Variants in SKAP1 observed in about 807,000 individuals in gnomAD.
SKAP1 encodes src kinase-associated phosphoprotein 1.
SKAP1 carries 44 observed loss-of-function variants against 58.5 expected under a neutral mutation model. The observed-to-expected ratio is 0.75, with a 90% CI of 0.59 to 0.97. SKAP1 has a LOEUF of 0.97. SKAP1 is among the 50% of genes least tolerant of loss of function. The probability of loss-of-function intolerance (pLI) is 0.00; values close to 1 mark genes in which losing one functional copy is unlikely to be tolerated. For synonymous variants in SKAP1, 127 were observed against 149.7 expected, an observed-to-expected ratio of 0.85 and a Z score of 1.11; for missense variants, 390 against 435.2, an observed-to-expected ratio of 0.90 and a Z score of 0.92.
intron 4 of SKAP1, among the ~76,000 whole-genome samples, chr17:48,285,596 C>A (rs1239074975): frequency 1.4e-5 from 2 of 141,522 alleles, no homozygotes; most frequent in East Asian, 2.1e-4. Flanking sequence ...GCTTGGGTGA[C>A]AGAGCAAGAC....
rs71366874 is a variant in SKAP1 at position 48,407,854 on chromosome 17, CA to C, written c.47-11070del. On this transcript the variant is annotated intron_variant, in intron 1 of 12. Transcript: ENST00000336915. Reference sequence around the variant, plus strand: ...GGGCAACAGAGTGAGACTTTGTCTCCAAAAAAAAAAAAGGCAGGGGAGGAAT... The same window carrying C: ...GGGCAACAGAGTGAGACTTTGTCTCCAAAAAAAAAAAGGCAGGGGAGGAAT... Among the ~76,000 whole-genome samples the C allele has an allele frequency of 3.1e-3, 383 of 123,316 alleles. 1 individual carries two copies. The highest frequency in any genetic ancestry group is 9.1e-3 in the Middle Eastern group (2 of 220). 80.9% of individuals were successfully genotyped at this position (123,316 alleles called of 152,430 possible). A position where few individuals can be genotyped will look rare whatever the true frequency, so the allele number is the denominator to read the frequency against.
chr17:48,139,999 A>C (rs1449202266), intron 11 of SKAP1, among the ~76,000 whole-genome samples: 1 of 152,186 alleles, frequency 6.6e-6, no homozygotes, highest in Non-Finnish European at 1.5e-5. Flanking sequence ...CAGCACTGAA[A>C]GGTGTTCAAG....
chr17:48,288,126 G>A (rs1454716959), intron 4 of SKAP1, among the ~76,000 whole-genome samples: 1 of 152,076 alleles, frequency 6.6e-6, no homozygotes, highest in Non-Finnish European at 1.5e-5. Context: ...TTGATTATTT[G>A]CTAGTCTGAT....
chr17:48,395,100 C>G (rs1000053314), intron 2 of SKAP1, among the ~76,000 whole-genome samples: 2 of 152,162 alleles, frequency 1.3e-5, no homozygotes, highest in South Asian at 4.1e-4. Flanking sequence ...AATTTGAGAA[C>G]AAGAAACTGA....
intron 2 of SKAP1, chr17:48,380,445 C>CA (rs1463007419): frequency 6.6e-6 from 1 of 151,972 alleles, no homozygotes; most frequent in Non-Finnish European, 1.5e-5. Context: ...AAACAAAAAA[C>CA]AAAAAACAGG....
chr17:48,293,946 A>G (rs753896726), intron 4 of SKAP1, among the ~76,000 whole-genome samples: 1 of 152,314 alleles, frequency 6.6e-6, no homozygotes, highest in South Asian at 2.1e-4. Flanking sequence ...AACCACACAT[A>G]TAAGAGGAGA....
intron 4 of SKAP1, among the ~76,000 whole-genome samples, chr17:48,291,765 T>C (rs2065899980): frequency 6.6e-6 from 1 of 151,894 alleles, no homozygotes. Context: ...CTAAAACAAG[T>C]CTGCCTCATC....
intron 1 of SKAP1, among the ~76,000 whole-genome samples, chr17:48,399,545 A>G (rs2067468206): frequency 6.6e-6 from 1 of 152,184 alleles, no homozygotes; most frequent in Admixed American, 6.5e-5. Flanking sequence ...GGATCACTTA[A>G]GGGCAGAAGT....
intron 3 of SKAP1, among the ~76,000 whole-genome samples, chr17:48,355,119 G>T (rs1440744600): frequency 6.6e-6 from 1 of 152,094 alleles, no homozygotes; most frequent in Non-Finnish European, 1.5e-5. Context: ...ACTTAAAGCA[G>T]TCATTAATTT....
intron 3 of SKAP1, among the ~76,000 whole-genome samples, chr17:48,351,370 T>C (rs2066798504): frequency 6.6e-6 from 1 of 152,312 alleles, no homozygotes; most frequent in African/African-American, 2.4e-5. Context: ...GATTAATCCA[T>C]GTATAGTGAA....
chr17:48,366,405 G>A (rs751375701), intron 2 of SKAP1, among the ~76,000 whole-genome samples: 10 of 150,978 alleles, frequency 6.6e-5, no homozygotes, highest in Non-Finnish European at 1.2e-4. Context: ...AGAGGGTGAG[G>A]AAATTCCAGG....
chr17:48,332,988 C>T (rs1033409492), intron 4 of SKAP1, among the ~76,000 whole-genome samples: 1 of 152,090 alleles, frequency 6.6e-6, no homozygotes, highest in Non-Finnish European at 1.5e-5. Context: ...GGACAGAATT[C>T]AATTTTTGCC....
intron 2 of SKAP1, among the ~76,000 whole-genome samples, chr17:48,367,774 C>T (rs560886249): frequency 1.3e-5 from 2 of 151,198 alleles, no homozygotes; most frequent in East Asian, 1.9e-4. Context: ...AAAAATTAGC[C>T]GGGCGTGGTG....
At chr17:48,389,121 T>G (rs1345999248) in intron 2 of SKAP1, among the ~76,000 whole-genome samples, 2 of 152,234 alleles carry the variant, frequency 1.3e-5, no homozygotes, top group Non-Finnish European at 2.9e-5. Context: ...GCTGGACGAT[T>G]TAAGAATGGC....
chr17:48,176,582 A>G (rs1424666842), intron 9 of SKAP1, among the ~76,000 whole-genome samples: 1 of 152,190 alleles, frequency 6.6e-6, no homozygotes, highest in African/African-American at 2.4e-5. Flanking sequence ...TCAAGGGCCC[A>G]CATATGCTCA....
Position 48,428,355 on chromosome 17 carries a change from G to A in SKAP1, c.46+1720C>T, listed in dbSNP as rs764193925. Among the ~76,000 whole-genome samples the A allele has an allele frequency of 4.5e-4, 68 of 152,208 alleles. 2 individuals carry two copies. Among genetic ancestry groups the A allele is most frequent in the Admixed American group, 3.3e-4 (5 of 15,280 alleles). ...TGCAATTAATCTCCATTCATACCCC[G>A]CTCTACTTGTCAGCAAACAAAGGTT... On this transcript the variant is annotated intron_variant, in intron 1 of 12. Coordinates refer to ENST00000336915, the MANE Select transcript of SKAP1 (RefSeq NM_003726.4).
chr17:48,348,894 A>T (rs1164826950), intron 3 of SKAP1, among the ~76,000 whole-genome samples: 1 of 152,232 alleles, frequency 6.6e-6, no homozygotes, highest in African/African-American at 2.4e-5. Context: ...AACGACATAG[A>T]TATACAACTC....
chr17:48,400,160 G>A (rs371596502), intron 1 of SKAP1, among the ~76,000 whole-genome samples: 51 of 149,318 alleles, frequency 3.4e-4, no homozygotes, highest in Admixed American at 6.7e-4. Flanking sequence ...GTGTAGTGGC[G>A]CGATCTCAGC....
intron 1 of SKAP1, among the ~76,000 whole-genome samples, chr17:48,399,533 G>A (rs2067467863): frequency 6.6e-6 from 1 of 152,216 alleles, no homozygotes; most frequent in South Asian, 2.1e-4. Context: ...GCCGAGGCAA[G>A]AGGATCACTT....
Sources: gnomAD v4.1 joint callset for allele counts (sites outside exome capture counted in the v4.1 genomes callset) on GRCh38, gnomAD v4.1.1 for gene constraint, MANE v1.5 for transcripts, NCBI Gene and HGNC (gene_info 2026-07-23, HGNC 2026-07-21) for gene names.